SUPT20H: variants seen among roughly 807,000 people sequenced by gnomAD.
SUPT20H encodes SPT20 homolog, SAGA complex component, also known as transcription factor SPT20 homolog.
A neutral mutation model predicts 122.8 loss-of-function variants in SUPT20H; 82 were observed. That is an observed-to-expected ratio of 0.67 (90% confidence interval 0.56 to 0.80). The LOEUF (loss-of-function observed/expected upper bound fraction) is 0.80, where lower values mean the gene tolerates loss of function less well. Among genes scored for constraint, SUPT20H ranks in the 30% least tolerant of loss-of-function variants. The pLI is 0.00. For missense variants in SUPT20H, 831 were observed against 921.6 expected (o/e 0.90, Z 1.27); for synonymous variants, 291 against 313.0 (o/e 0.93, Z 0.74).
chr13:37,016,118 G>A (rs1026697630), intron 23 of SUPT20H, among the ~76,000 whole-genome samples: 8 of 152,058 alleles, frequency 5.3e-5, no homozygotes, highest in Admixed American at 5.2e-4. Context: ...CTGCTGAATT[G>A]CACACTTAAG....
intron 2 of SUPT20H, 133 bp from the exon 3 acceptor site, chr13:37,048,732 C>G (rs1327259343): frequency 7.8e-6 from 5 of 639,236 alleles, no homozygotes; most frequent in East Asian, 3.1e-5. Context: ...CCACTCCACT[C>G]TATGATCAAT....
intron 5 of SUPT20H, among the ~76,000 whole-genome samples, chr13:37,046,689 T>C (rs528794831): frequency 2.4e-4 from 37 of 152,282 alleles, no homozygotes; most frequent in Non-Finnish European, 4.4e-4. Flanking sequence ...AATATGTACA[T>C]TCTATTGCTT....
chr13:37,031,800 TG>T lies in SUPT20H; in HGVS notation c.802del (p.Gln268LysfsTer23). On this transcript the variant is annotated frameshift_variant, in exon 11 of 26. Coordinates refer to ENST00000350612, the MANE Select transcript of SUPT20H (RefSeq NM_001014286.3). LOFTEE classifies it high-confidence loss of function. ...ACCTGCTTTTCTTTCCTTTCTTTTT[TG>T]TAAGAAATCAAGTAACCTCAGCTGA... ...PPQLRLLDFL[Q>X]KRKERKAGQH... is the part of the protein sequence containing the mutation. 6.2e-7 allele frequency: 1 copy of T among 1,610,038 alleles called. No individual in the cohort carries two copies. The highest frequency in any genetic ancestry group is 8.5e-7 in the Non-Finnish European group (1 of 1,178,666).
At chr13:37,010,956 A>T (rs1014563023) in intron 24 of SUPT20H, 4 of 202,426 alleles carry the variant, frequency 2.0e-5, no homozygotes, top group Non-Finnish European at 4.0e-5. Flanking sequence ...TGTTTAGAAG[A>T]GTATATTATT....
At chr13:37,026,438 A>T (rs1169256972) in intron 15 of SUPT20H, among the ~76,000 whole-genome samples, 1 of 152,140 alleles carries the variant, frequency 6.6e-6, no homozygotes, top group Non-Finnish European at 1.5e-5. Flanking sequence ...TTATGAAACA[A>T]TGTGAATAAT....
In SUPT20H at chr13:37,024,114, A is replaced by ATTGAGATCCACAG; in HGVS notation, c.1511_1512insCTGTGGATCTCAA (p.Pro505CysfsTer16). ...TGAGATCCACAGATGATTTCCGAGG[A>ATTGAGATCCACAG]ATACTTGATGGCTTAGAAGAAGGAG... On this transcript the variant is annotated frameshift_variant, in exon 19 of 26. Transcript: ENST00000350612. LOFTEE classifies it high-confidence loss of function. 6.2e-7 allele frequency: 1 copy of ATTGAGATCCACAG among 1,613,828 alleles called. No individual in the cohort carries two copies. Among genetic ancestry groups the ATTGAGATCCACAG allele is most frequent in the Non-Finnish European group, 8.5e-7 (1 of 1,179,818 alleles).
In SUPT20H at chr13:37,022,944, T is replaced by C. The variant is rs1342841215; in HGVS notation, c.1592-864A>G. Reference sequence around the variant, plus strand: ...TAGAAAATCTGTTGTGAATGAAGTATGCACAGTTTATCAATTTTTTAAAAA... The same window carrying C: ...TAGAAAATCTGTTGTGAATGAAGTACGCACAGTTTATCAATTTTTTAAAAA... On this transcript the variant is annotated intron_variant, in intron 19 of 25. Transcript: ENST00000350612. This position sits in a 1 kb window ranked among gnomAD's most constrained non-coding sequence, Gnocchi z 4.5. The C allele has an allele frequency of 8.1e-7, 1 of 1,233,290 alleles. No individual in the cohort carries two copies. Among genetic ancestry groups the C allele is most frequent in the East Asian group, 5.6e-5 (1 of 17,818 alleles). The allele number at this position is 1,233,290 out of a possible 1,614,324, so 76.4% of individuals were successfully genotyped here.
rs2061795518 is a variant in SUPT20H, at chr13:37,024,043, G to A, written c.1583C>T (p.Ser528Leu). 1 of 1,606,540 alleles carries A rather than the reference G, an allele frequency of 6.2e-7. No homozygotes were observed. Among genetic ancestry groups the A allele is most frequent in the Non-Finnish European group, 8.5e-7 (1 of 1,177,360 alleles). The stretch of plus-strand genomic sequence containing the variant: ...TTTAAGTTATGACTCACTTTGTGAT[G>A]AGCTGGCAGGTGATAGGGCAGCTGG... ...LSPAALSPAS[S>L]SQRTTATQVM... The change falls in exon 19 of 26, where the codon TCA becomes TTA. Residue 528 changes from serine to leucine, a missense_variant. Coordinates refer to ENST00000350612, the MANE Select transcript of SUPT20H (RefSeq NM_001014286.3).
At chr13:37,031,975 T>A in intron 10 of SUPT20H, 80 bp from the exon 11 acceptor site, 1 of 1,288,132 alleles carries the variant, frequency 7.8e-7, no homozygotes, top group South Asian at 1.6e-5. Context: ...TAGTCAGTGC[T>A]GAATATGTAC....
At chr13:37,056,530 C>T (rs1376655042) in intron 1 of SUPT20H, among the ~76,000 whole-genome samples, 1 of 152,064 alleles carries the variant, frequency 6.6e-6, no homozygotes, top group Non-Finnish European at 1.5e-5. Flanking sequence ...AAACCAAACA[C>T]TGCATGTTCT....
chr13:37,037,691 C>T (rs1009586453), intron 9 of SUPT20H, among the ~76,000 whole-genome samples: 1 of 152,178 alleles, frequency 6.6e-6, no homozygotes, highest in Non-Finnish European at 1.5e-5. Flanking sequence ...AACTCAACTA[C>T]ATTACAAGAA....
chr13:37,046,185 C>T (rs987367518), intron 5 of SUPT20H, among the ~76,000 whole-genome samples: 2 of 152,020 alleles, frequency 1.3e-5, no homozygotes, highest in Admixed American at 1.3e-4. Flanking sequence ...TCTGTCATCA[C>T]CATAGAATCA....
intron 7 of SUPT20H, among the ~76,000 whole-genome samples, chr13:37,042,511 G>A (rs748901126): frequency 8.5e-5 from 13 of 152,264 alleles, no homozygotes; most frequent in South Asian, 2.1e-4. Flanking sequence ...AAAAAAGACC[G>A]AAGGATTAGA....
intron 9 of SUPT20H, chr13:37,039,304 C>T (rs570847039): frequency 6.6e-5 from 10 of 152,156 alleles, no homozygotes; most frequent in African/African-American, 2.4e-4. Context: ...CAAGTAGGAC[C>T]AAGATACTAA....
intron 1 of SUPT20H, among the ~76,000 whole-genome samples, chr13:37,058,273 A>C (rs1213259146): frequency 6.6e-6 from 1 of 152,166 alleles, no homozygotes; most frequent in Non-Finnish European, 1.5e-5. Flanking sequence ...CTGAAACTTT[A>C]AAAAATGGAC....
chr13:37,020,221 G>A (rs1327922811), intron 21 of SUPT20H, among the ~76,000 whole-genome samples: 1 of 150,588 alleles, frequency 6.6e-6, no homozygotes, highest in Non-Finnish European at 1.5e-5. Context: ...TTTTTTTAAA[G>A]ATTTAAGGGA....
intron 16 of SUPT20H, 30 bp from the exon 17 acceptor site, chr13:37,025,467 T>C (rs1194751343): frequency 6.7e-7 from 1 of 1,483,010 alleles, no homozygotes; most frequent in South Asian, 1.2e-5. Context: ...CAGGTAAAGA[T>C]TAGAAAACCT....
intron 1 of SUPT20H, among the ~76,000 whole-genome samples, chr13:37,054,845 C>T (rs1355734719): frequency 6.6e-6 from 1 of 152,186 alleles, no homozygotes; most frequent in Non-Finnish European, 1.5e-5. Flanking sequence ...TTGCAGATGA[C>T]ATGATTGTAT....
At chr13:37,012,694 C>T (rs1212344509) in intron 23 of SUPT20H, 1 of 155,326 alleles carries the variant, frequency 6.4e-6, no homozygotes, top group Non-Finnish European at 1.4e-5. Flanking sequence ...ATAAAATTGT[C>T]CTTATTTTCA....
Sources: gnomAD v4.1 joint callset for allele counts (sites outside exome capture counted in the v4.1 genomes callset) on GRCh38, gnomAD v4.1.1 for gene constraint, Gnocchi (gnomAD v3.1) non-coding constraint, MANE v1.5 for transcripts, NCBI Gene and HGNC (gene_info 2026-07-23, HGNC 2026-07-21) for gene names.